The following FLVCR2 variants were observed in gnomAD, a reference collection of about 807,000 sequenced individuals.
FLVCR2 encodes FLVCR choline and putative heme transporter 2.
A neutral mutation model predicts 48.9 loss-of-function variants in FLVCR2; 38 were observed. The observed-to-expected ratio is 0.78, with a 90% confidence interval of 0.60 to 1.02. FLVCR2 has a LOEUF of 1.02. Ranked by LOEUF, FLVCR2 falls within the 50% of genes least tolerant of loss-of-function variation. The pLI, the probability that FLVCR2 is intolerant of heterozygous loss-of-function variation, is 0.00. For synonymous variants in FLVCR2, 255 were observed against 257.0 expected (o/e 0.99, Z 0.07); for missense variants, 664 against 663.3 (o/e 1.00, Z -0.01).
At chr14:75,593,690 A>G (rs905328376) in intron 1 of FLVCR2, among the ~76,000 whole-genome samples, 5 of 152,238 alleles carry the variant, frequency 3.3e-5, no homozygotes, top group African/African-American at 7.2e-5. Context: ...AACTCAGATC[A>G]TATCCGAACC....
intron 2 of FLVCR2, among the ~76,000 whole-genome samples, chr14:75,623,436 A>G (rs1478554518): frequency 6.6e-6 from 1 of 152,084 alleles, no homozygotes; most frequent in African/African-American, 2.4e-5. Flanking sequence ...TCAGTTAGTC[A>G]CCTGTCTAAA....
At chr14:75,639,299 G>A (rs1432344768) in intron 5 of FLVCR2, 53 bp from the exon 6 acceptor site, 58 of 1,055,662 alleles carry the variant, frequency 5.5e-5, no homozygotes, top group Non-Finnish European at 8.2e-5. Context: ...ATGAATGAAT[G>A]AGCCTATTAA....
rs1889025597 is a variant in FLVCR2, at chr14:75,596,513, T to C, written c.669+16872T>C. On this transcript the variant is annotated intron_variant, in intron 1 of 9. Coordinates refer to ENST00000238667, the MANE Select transcript of FLVCR2 (RefSeq NM_017791.3). ...CTTCAGCTCCCACCAATCATTGATA[T>C]ATACAAAGCATGACTCGGTGGTGTC... 3.3e-5 allele frequency among the ~76,000 whole-genome samples: 5 copies of C among 152,194 alleles called. No homozygotes were observed. The South Asian group carries it at 1.0e-3, about 32-fold the overall frequency.
Position 75,609,006 on chromosome 14 carries a change from G to C in FLVCR2, c.670-13073G>C, listed in dbSNP as rs567805149. Among the ~76,000 whole-genome samples the C allele has an allele frequency of 3.4e-4, 52 of 151,634 alleles. 1 individual carries two copies. The South Asian group carries it at 7.9e-3, about 23-fold the overall frequency. On this transcript the variant is annotated intron_variant, in intron 1 of 9. Coordinates refer to ENST00000238667, the MANE Select transcript of FLVCR2 (RefSeq NM_017791.3). ...CCAGCTTCCCTATGTCTTTCCAGTT[G>C]ACAGCAGGCAATGAGAGAAATGAAA... is the stretch of plus-strand genomic sequence containing the variant.
At chr14:75,615,138 G>A (rs998702012) in intron 1 of FLVCR2, among the ~76,000 whole-genome samples, 7 of 152,122 alleles carry the variant, frequency 4.6e-5, no homozygotes, top group African/African-American at 7.2e-5. Context: ...TCAATGCAAC[G>A]CCAAGGACCA....
In FLVCR2 at chr14:75,646,501, C is replaced by A; in HGVS notation, c.*29C>A. 1 of 1,502,148 alleles carries A rather than the reference C, an allele frequency of 6.7e-7. No homozygotes were observed. 93.1% of individuals were successfully genotyped at this position (1,502,148 alleles called of 1,614,324 possible). A position where few individuals can be genotyped will look rare whatever the true frequency, so the allele number is the denominator to read the frequency against. Reference sequence around the variant, plus strand: ...GAAGGTGGTGACAACTCAGGGAACACGAACACCCCACCTTTTCCTTCAGCA... The same window carrying A: ...GAAGGTGGTGACAACTCAGGGAACAAGAACACCCCACCTTTTCCTTCAGCA... On this transcript the variant is annotated 3_prime_UTR_variant, in exon 10 of 10. Transcript: ENST00000238667.
intron 3 of FLVCR2, among the ~76,000 whole-genome samples, chr14:75,625,428 A>G (rs994451336): frequency 2.0e-5 from 3 of 151,906 alleles, no homozygotes; most frequent in Non-Finnish European, 4.4e-5. Flanking sequence ...ATCTTATTTC[A>G]AACCTGTAAT....
intron 8 of FLVCR2, 142 bp downstream of exon 8, chr14:75,641,435 T>C: frequency 1.4e-6 from 1 of 708,268 alleles, no homozygotes; most frequent in Non-Finnish European, 2.6e-6. Flanking sequence ...AGGCAGCACA[T>C]TGTTTTGGTA....
rs544048496 is a variant in FLVCR2 at position 75,641,445 on chromosome 14, A to G, written c.1453+152A>G. The G allele has an allele frequency of 1.1e-5, 8 of 703,624 alleles. No individual in the cohort carries two copies. The African/African-American group carries it at 1.2e-4, about 11-fold the overall frequency. 43.6% of individuals were successfully genotyped at this position (703,624 alleles called of 1,614,324 possible). On this transcript the variant is annotated intron_variant, in intron 8 of 9. Transcript: ENST00000238667. Reference sequence around the variant, plus strand: ...TTGGGAGGCAGCACATTGTTTTGGTAGAATGAGCATGGGTTTTGGAGCCAG... The same window carrying G: ...TTGGGAGGCAGCACATTGTTTTGGTGGAATGAGCATGGGTTTTGGAGCCAG...
intron 1 of FLVCR2, among the ~76,000 whole-genome samples, chr14:75,590,933 TC>T (rs1888863641): frequency 6.6e-6 from 1 of 152,336 alleles, no homozygotes; most frequent in Non-Finnish European, 1.5e-5. Context: ...AACTCAAATG[TC>T]CAAAGTCCAA....
chr14:75,645,446 G>A (rs1340902718), intron 9 of FLVCR2, among the ~76,000 whole-genome samples: 1 of 152,158 alleles, frequency 6.6e-6, no homozygotes, highest in African/African-American at 2.4e-5. Context: ...TATGTACCTA[G>A]GGGCCCCACA....
chr14:75,602,418 G>C (rs1394413982), intron 1 of FLVCR2, among the ~76,000 whole-genome samples: 2 of 151,852 alleles, frequency 1.3e-5, no homozygotes, highest in African/African-American at 4.8e-5. Flanking sequence ...CTAATCCCTG[G>C]TCTTTCTGGT....
chr14:75,628,496 G>A (rs950760414), intron 3 of FLVCR2, among the ~76,000 whole-genome samples: 4 of 152,084 alleles, frequency 2.6e-5, no homozygotes, highest in African/African-American at 9.7e-5. Context: ...AGAACAAAAT[G>A]GTTCATACTT....
Position 75,631,646 on chromosome 14 carries a change from C to A in FLVCR2, c.953-1983C>A, listed in dbSNP as rs562808272. The A allele has an allele frequency of 3.4e-4, 135 of 401,834 alleles. 1 individual carries two copies. The highest frequency in any genetic ancestry group is 2.5e-3 in the African/African-American group (123 of 48,706). 24.9% of individuals were successfully genotyped at this position (401,834 alleles called of 1,614,324 possible). A position where few individuals can be genotyped will look rare whatever the true frequency, so the allele number is the denominator to read the frequency against. On this transcript the variant is annotated intron_variant, in intron 3 of 9. Coordinates refer to ENST00000238667, the MANE Select transcript of FLVCR2 (RefSeq NM_017791.3). ...TAAGCCTGAGTTGGAACATTCCTTG[C>A]CCTTTGCAGTATCAGGCTAGGGCAG... is the stretch of plus-strand genomic sequence containing the variant.
At chr14:75,596,656 T>G (rs1454065472) in intron 1 of FLVCR2, among the ~76,000 whole-genome samples, 2 of 152,200 alleles carry the variant, frequency 1.3e-5, no homozygotes, top group African/African-American at 2.4e-5. Context: ...ATTCATTAAG[T>G]GTACAGTTCA....
chr14:75,599,881 G>T (rs1889121592), intron 1 of FLVCR2, among the ~76,000 whole-genome samples: 1 of 152,196 alleles, frequency 6.6e-6, no homozygotes, highest in Non-Finnish European at 1.5e-5. Context: ...TCAATAAGGG[G>T]TGTTGGGAAA....
At position 75,578,877 on chromosome 14, in the gene FLVCR2, T is replaced by C. The variant is rs11845734; in HGVS notation, c.-96T>C. 0.26 allele frequency: 295,346 copies of C among 1,135,086 alleles called. 48,224 individuals are homozygous for C. The highest frequency in any genetic ancestry group is 0.67 in the African/African-American group (43,289 of 65,096). 70.3% of individuals were successfully genotyped at this position (1,135,086 alleles called of 1,614,324 possible). On this transcript the variant is annotated 5_prime_UTR_variant, in exon 1 of 10. Coordinates refer to ENST00000238667, the MANE Select transcript of FLVCR2 (RefSeq NM_017791.3). ...CTCTGTTTCTTCTGGAATAGGCAAGTGTCCTTTCAACTCTAAGAGACCAGC... is the reference window on the plus strand; with the variant it reads ...CTCTGTTTCTTCTGGAATAGGCAAGCGTCCTTTCAACTCTAAGAGACCAGC...
chr14:75,622,151 T>C lies in FLVCR2; in HGVS notation c.742T>C (p.Tyr248His), dbSNP rs753241725. Residue 248 changes from tyrosine to histidine, a missense_variant, in exon 2 of 10, where the codon TAC becomes CAC. Tyr to His is a moderately conservative substitution (Grantham distance 83). Coordinates refer to ENST00000238667, the MANE Select transcript of FLVCR2 (RefSeq NM_017791.3). ...CATTGAAGACCGGGACGAGCTTGCC[T>C]ACCACATCAGCATCATGTTCTATAT... ...PNIEDRDELAYHISIMFYIIG... is the reference protein window; with the variant it reads ...PNIEDRDELAHHISIMFYIIG... 6.2e-7 allele frequency: 1 copy of C among 1,614,042 alleles called. No individual in the cohort carries two copies.
At chr14:75,617,724 C>A (rs1035508278) in intron 1 of FLVCR2, among the ~76,000 whole-genome samples, 4 of 152,174 alleles carry the variant, frequency 2.6e-5, no homozygotes, top group African/African-American at 9.7e-5. Context: ...TTATCATGTG[C>A]CAGCCTGCAG....
Sources: gnomAD v4.1 joint callset for allele counts (sites outside exome capture counted in the v4.1 genomes callset) on GRCh38, gnomAD v4.1.1 for gene constraint, MANE v1.5 for transcripts, NCBI Gene and HGNC (gene_info 2026-07-23, HGNC 2026-07-21) for gene names.